Variants in HACE1 observed in about 807,000 individuals in gnomAD.
The protein encoded by HACE1 is HECT domain and ankyrin repeat containing E3 ubiquitin protein ligase 1.
In HACE1, 73 loss-of-function variants were observed where a neutral mutation model predicts 118.4. The observed-to-expected ratio is 0.62, with a 90% CI of 0.51 to 0.75. The LOEUF (loss-of-function observed/expected upper bound fraction) is 0.75, where lower values mean the gene tolerates loss of function less well. HACE1 is among the 30% of genes least tolerant of loss of function. The probability of loss-of-function intolerance (pLI) is 0.00; values close to 1 mark genes in which losing one functional copy is unlikely to be tolerated. For missense variants in HACE1, 749 were observed against 1,102.2 expected, an observed-to-expected ratio of 0.68 and a Z score of 4.54; for synonymous variants, 368 against 374.8, an observed-to-expected ratio of 0.98 and a Z score of 0.21.
intron 5 of HACE1, among the ~76,000 whole-genome samples, chr6:104,838,890 T>TA (rs71003448): frequency 0.19 from 11,007 of 58,204 alleles, 1,328 homozygotes; most frequent in East Asian, 0.37. Flanking sequence ...AACTCCATAG[T>TA]AAAAAAAAAA....
At chr6:104,758,059 A>G (rs1041843143) in intron 19 of HACE1, among the ~76,000 whole-genome samples, 5 of 152,216 alleles carry the variant, frequency 3.3e-5, no homozygotes, top group African/African-American at 9.6e-5. Flanking sequence ...GAAAAGACCA[A>G]ATATACATTT....
In HACE1 at chr6:104,774,966, C is replaced by T. The variant is rs185341504; in HGVS notation, c.1864+1775G>A. On this transcript the variant is annotated intron_variant, in intron 17 of 23. Transcript: ENST00000262903. ...TCTCTTTGTCAACTAAACCTGAGAA[C>T]GTGAAAATATTTCAGCTTGATTTTA... is the stretch of plus-strand genomic sequence containing the variant. Among the ~76,000 whole-genome samples the T allele has an allele frequency of 1.5e-4, 23 of 152,258 alleles. 1 individual carries two copies. In the East Asian group the frequency reaches 3.9e-3, roughly 26 times the overall value.
intron 17 of HACE1, among the ~76,000 whole-genome samples, chr6:104,774,184 G>C (rs112142064): frequency 1.8e-5 from 2 of 113,282 alleles, no homozygotes; most frequent in Non-Finnish European, 3.5e-5. Flanking sequence ...CCGCCTCCCG[G>C]GTTCACGCCA....
intron 5 of HACE1, among the ~76,000 whole-genome samples, chr6:104,839,980 T>G (rs2115141566): frequency 6.6e-6 from 1 of 152,142 alleles, no homozygotes; most frequent in East Asian, 1.9e-4. Context: ...CACTCTAGCC[T>G]GGGCAACAGA....
chr6:104,851,279 T>A (rs1776179133), intron 2 of HACE1, among the ~76,000 whole-genome samples: 1 of 152,130 alleles, frequency 6.6e-6, no homozygotes, highest in African/African-American at 2.4e-5. Context: ...AGAGGGGGTT[T>A]CACCAAGTTG....
intron 7 of HACE1, 71 bp from the exon 8 acceptor site, chr6:104,797,096 A>G: frequency 1.2e-6 from 1 of 828,292 alleles, no homozygotes; most frequent in Non-Finnish European, 2.1e-6. Context: ...ATGGATAGTT[A>G]ATATGAGTCA....
intron 19 of HACE1, among the ~76,000 whole-genome samples, chr6:104,756,869 C>A (rs1778757482): frequency 6.6e-6 from 1 of 152,228 alleles, no homozygotes; most frequent in South Asian, 2.1e-4. Flanking sequence ...ACAGTCTTCG[C>A]AACTGGCAGA....
At chr6:104,732,702 C>T (rs1022438268) in intron 22 of HACE1, among the ~76,000 whole-genome samples, 2 of 141,606 alleles carry the variant, frequency 1.4e-5, no homozygotes, top group Non-Finnish European at 3.0e-5. Flanking sequence ...TTATGATATG[C>T]ATTTACACAC....
At chr6:104,747,463 G>A (rs1394635534) in intron 20 of HACE1, among the ~76,000 whole-genome samples, 2 of 152,050 alleles carry the variant, frequency 1.3e-5, no homozygotes, top group African/African-American at 4.8e-5. Context: ...TGCACATCTA[G>A]TTTAGACGTT....
At chr6:104,839,076 C>T (rs1017814225) in intron 5 of HACE1, among the ~76,000 whole-genome samples, 4 of 151,988 alleles carry the variant, frequency 2.6e-5, no homozygotes, top group African/African-American at 9.7e-5. Flanking sequence ...ATTAAAATGG[C>T]TTATATCCAA....
At chr6:104,800,077 G>A (rs1770145778) in intron 7 of HACE1, among the ~76,000 whole-genome samples, 1 of 152,168 alleles carries the variant, frequency 6.6e-6, no homozygotes. Flanking sequence ...TGGCTCAGCG[G>A]GTCCCATGCC....
chr6:104,777,418 T>G, intron 14 of HACE1, 101 bp from the exon 15 acceptor site: 1 of 761,246 alleles, frequency 1.3e-6, no homozygotes, highest in Non-Finnish European at 2.4e-6. Flanking sequence ...ATAATCATTC[T>G]TAGATCTTTA....
chr6:104,731,950 A>G (rs1775255265), intron 22 of HACE1: 1 of 152,178 alleles, frequency 6.6e-6, no homozygotes, highest in Admixed American at 6.5e-5. Flanking sequence ...CAAATGCCCA[A>G]TAAGCACATG....
chr6:104,819,909 A>C (rs963826088), intron 6 of HACE1, among the ~76,000 whole-genome samples: 2 of 152,142 alleles, frequency 1.3e-5, no homozygotes, highest in African/African-American at 4.8e-5. Flanking sequence ...TTAAATGTAA[A>C]ACCCAGGCCA....
intron 11 of HACE1, chr6:104,787,493 T>C (rs537045975): frequency 1.3e-5 from 2 of 152,312 alleles, no homozygotes; most frequent in South Asian, 4.1e-4. Context: ...AAAGAACTTA[T>C]GTCAGCAAAA....
intron 4 of HACE1, among the ~76,000 whole-genome samples, chr6:104,845,043 G>A (rs1353002748): frequency 1.3e-5 from 2 of 152,052 alleles, no homozygotes; most frequent in African/African-American, 2.4e-5. Flanking sequence ...AATACAGTGT[G>A]TATATGTTAA....
At chr6:104,805,158 C>T (rs1405086667) in intron 7 of HACE1, among the ~76,000 whole-genome samples, 1 of 152,154 alleles carries the variant, frequency 6.6e-6, no homozygotes, top group African/African-American at 2.4e-5. Context: ...CAGTGAGATA[C>T]CATCTCACGC....
intron 14 of HACE1, among the ~76,000 whole-genome samples, chr6:104,777,524 A>T (rs112770239): frequency 1.3e-5 from 2 of 152,306 alleles, no homozygotes; most frequent in African/African-American, 4.8e-5. Flanking sequence ...ACCTAGAGAA[A>T]TGTATTTTTT....
At chr6:104,782,437 C>G (rs1455935) in intron 14 of HACE1, 85,954 of 152,068 alleles carry the variant, frequency 0.57, 25,935 homozygotes, top group African/African-American at 0.8. Flanking sequence ...GCAGTGAGCT[C>G]AGATCAACTA....
Sources: allele counts gnomAD v4.1 joint callset (sites outside exome capture counted in the v4.1 genomes callset), GRCh38; gene constraint gnomAD v4.1.1; transcripts MANE v1.5; gene names NCBI Gene and HGNC (gene_info 2026-07-23, HGNC 2026-07-21).